The following NBAS variants were observed in gnomAD, a reference collection of about 807,000 sequenced individuals.
The protein encoded by NBAS is NAG/BC035112 fusion.
A neutral mutation model predicts 302.5 loss-of-function variants in NBAS; 219 were observed. That is an observed-to-expected ratio of 0.72 (90% CI 0.65 to 0.81). NBAS has a LOEUF of 0.81. NBAS is among the 30% of genes least tolerant of loss of function. NBAS has a pLI of 0.00. For synonymous variants in NBAS, 1,118 were observed against 1,021.6 expected (o/e 1.09, Z -1.80); for missense variants, 2,932 against 2,841.6 (o/e 1.03, Z -0.72).
At chr2:15,489,095 C>A (rs1007816376) in intron 11 of NBAS, 73 bp from the exon 12 acceptor site, 1 of 1,528,632 alleles carries the variant, frequency 6.5e-7, no homozygotes, top group Non-Finnish European at 9.0e-7. Flanking sequence ...AAATGACACT[C>A]TTTAGAGGTG....
the NBAS span, among the ~76,000 whole-genome samples, chr2:14,866,836 C>T: frequency 0.25 from 37,267 of 152,092 alleles, 8,695 homozygotes; most frequent in African/African-American, 0.62. Context: ...CCACAAAAAA[C>T]AGATTATCTG....
intron 27 of NBAS, among the ~76,000 whole-genome samples, chr2:15,395,739 C>G (rs3805106): frequency 0.65 from 98,826 of 151,848 alleles, 32,873 homozygotes; most frequent in Middle Eastern, 0.7. Flanking sequence ...TGGAAGACCA[C>G]AGTTTATTAT....
At chr2:15,386,881 T>C (rs949739698) in intron 28 of NBAS, among the ~76,000 whole-genome samples, 6 of 152,146 alleles carry the variant, frequency 3.9e-5, no homozygotes, top group Non-Finnish European at 8.8e-5. Flanking sequence ...AGTTCTCTCA[T>C]GGCCTTCATA....
the NBAS span, among the ~76,000 whole-genome samples, chr2:15,103,073 G>A: frequency 7.4e-5 from 11 of 147,676 alleles, no homozygotes; most frequent in South Asian, 2.4e-3. Context: ...GGGAGGGAGG[G>A]AGGCAGGGTT....
intron 30 of NBAS, among the ~76,000 whole-genome samples, chr2:15,378,262 T>C (rs1207147471): frequency 6.6e-6 from 1 of 152,084 alleles, no homozygotes; most frequent in Non-Finnish European, 1.5e-5. Flanking sequence ...GTAAGAAAAG[T>C]AGAGCAGGGT....
intron 40 of NBAS, among the ~76,000 whole-genome samples, chr2:15,297,989 T>C (rs756450539): frequency 6.6e-6 from 1 of 152,162 alleles, no homozygotes; most frequent in Non-Finnish European, 1.5e-5. Context: ...CAAGCAACAA[T>C]ACCATTTTCT....
chr2:15,409,402 T>C (rs990250243), intron 25 of NBAS, among the ~76,000 whole-genome samples: 1 of 152,340 alleles, frequency 6.6e-6, no homozygotes, highest in East Asian at 1.9e-4. Context: ...GGAATGCTTA[T>C]TACTCTCATG....
chr2:15,085,051 G>A, the NBAS span, among the ~76,000 whole-genome samples: 1 of 152,192 alleles, frequency 6.6e-6, no homozygotes, highest in Non-Finnish European at 1.5e-5. Flanking sequence ...TTTCCGCCCT[G>A]GGGGCTGCTG....
At chr2:15,021,165 G>A in the NBAS span, among the ~76,000 whole-genome samples, 2,782 of 152,150 alleles carry the variant, frequency 0.018, 110 homozygotes, top group African/African-American at 0.064. Flanking sequence ...CCTGAGAGGT[G>A]GAAGTTGCAG....
chr2:14,951,956 T>C, the NBAS span, among the ~76,000 whole-genome samples: 6 of 152,214 alleles, frequency 3.9e-5, no homozygotes, highest in Non-Finnish European at 8.8e-5. Flanking sequence ...GGAATCCAGT[T>C]GGGTGGAAAC....
the NBAS span, among the ~76,000 whole-genome samples, chr2:15,098,417 T>C: frequency 2.8e-4 from 18 of 64,352 alleles, no homozygotes; most frequent in African/African-American, 7.3e-4. Context: ...TATGATATAT[T>C]GTATATTATA....
chr2:15,261,480 C>CT (rs1267686643), intron 44 of NBAS, among the ~76,000 whole-genome samples: 1 of 152,144 alleles, frequency 6.6e-6, no homozygotes, highest in Non-Finnish European at 1.5e-5. Flanking sequence ...CATAATTATG[C>CT]TTTTTTGCTT....
chr2:15,286,094 C>T (rs1324536736), intron 42 of NBAS, among the ~76,000 whole-genome samples: 1 of 152,198 alleles, frequency 6.6e-6, no homozygotes, highest in Non-Finnish European at 1.5e-5. Flanking sequence ...TCCCCTTTTA[C>T]TCACCCTCAT....
At chr2:15,008,700 A>C in the NBAS span, among the ~76,000 whole-genome samples, 6 of 152,212 alleles carry the variant, frequency 3.9e-5, 1 homozygote, top group Admixed American at 3.9e-4. Context: ...CTTATTTAAA[A>C]AATAGGTGAA....
chr2:15,515,066 C>T (rs1370878455), intron 9 of NBAS, among the ~76,000 whole-genome samples: 1 of 152,186 alleles, frequency 6.6e-6, no homozygotes, highest in Admixed American at 6.5e-5. Context: ...TGTGTTCACA[C>T]ATCCAAGTAG....
the NBAS span, among the ~76,000 whole-genome samples, chr2:15,056,471 G>A: frequency 6.6e-6 from 1 of 152,182 alleles, no homozygotes; most frequent in Non-Finnish European, 1.5e-5. Flanking sequence ...TAGTTAAAGA[G>A]GAAATGTGGA....
chr2:15,136,168 C>T, the NBAS span, among the ~76,000 whole-genome samples: 6 of 152,220 alleles, frequency 3.9e-5, no homozygotes, highest in Admixed American at 3.3e-4. Flanking sequence ...ATTCTTGTCT[C>T]TCTATATAGC....
the NBAS span, among the ~76,000 whole-genome samples, chr2:14,890,081 T>C: frequency 3.9e-5 from 6 of 152,238 alleles, no homozygotes; most frequent in Non-Finnish European, 5.9e-5. Context: ...ATTCCTAATA[T>C]ATTATTCTAA....
the NBAS span, among the ~76,000 whole-genome samples, chr2:15,064,865 T>A: frequency 2.6e-5 from 4 of 152,056 alleles, no homozygotes; most frequent in South Asian, 6.2e-4. Context: ...CAAATCAAAC[T>A]CAACAGCACA....
Sources: gnomAD v4.1 joint callset for allele counts (sites outside exome capture counted in the v4.1 genomes callset) on GRCh38, gnomAD v4.1.1 for gene constraint, MANE v1.5 for transcripts, NCBI Gene and HGNC (gene_info 2026-07-23, HGNC 2026-07-21) for gene names.